KCNIP1: variants seen among roughly 807,000 people sequenced by gnomAD.
The protein encoded by KCNIP1 is potassium voltage-gated channel interacting protein 1, also known as A-type potassium channel modulatory protein KCNIP1.
KCNIP1 carries 18 observed loss-of-function variants against 33.0 expected under a neutral mutation model. The observed-to-expected ratio is 0.55, with a 90% CI of 0.38 to 0.81. The LOEUF (loss-of-function observed/expected upper bound fraction) is 0.81, where lower values mean the gene tolerates loss of function less well. KCNIP1 is among the 30% of genes least tolerant of loss of function. The pLI, the probability that KCNIP1 is intolerant of heterozygous loss-of-function variation, is 0.00. For missense variants in KCNIP1, 238 were observed against 271.6 expected, an observed-to-expected ratio of 0.88 and a Z score of 0.87; for synonymous variants, 93 against 98.3, an observed-to-expected ratio of 0.95 and a Z score of 0.32.
intron 1 of KCNIP1, among the ~76,000 whole-genome samples, chr5:170,396,980 C>G (rs1249836911): frequency 6.6e-6 from 1 of 152,202 alleles, no homozygotes; most frequent in Non-Finnish European, 1.5e-5. Context: ...TTGTTTCTTT[C>G]AGAGCCTGCT....
intron 1 of KCNIP1, chr5:170,561,231 G>T (rs150689679): frequency 4.4e-5 from 18 of 405,512 alleles, no homozygotes; most frequent in African/African-American, 3.7e-4. Context: ...GAAAGTCCCC[G>T]CTCTGCTTGG....
chr5:170,381,315 G>T (rs899978971), intron 1 of KCNIP1, among the ~76,000 whole-genome samples: 5 of 152,234 alleles, frequency 3.3e-5, no homozygotes, highest in African/African-American at 1.2e-4. Flanking sequence ...GCCCTGCAGT[G>T]TAAGGTCCCC....
intron 1 of KCNIP1, among the ~76,000 whole-genome samples, chr5:170,447,412 T>C (rs1756148329): frequency 6.6e-6 from 1 of 152,192 alleles, no homozygotes; most frequent in Admixed American, 6.5e-5. Context: ...CCAGCCTCTC[T>C]TGCAGCTATG....
intron 1 of KCNIP1, among the ~76,000 whole-genome samples, chr5:170,366,764 C>T (rs1763673745): frequency 6.6e-6 from 1 of 152,210 alleles, no homozygotes; most frequent in African/African-American, 2.4e-5. Context: ...TGGAGGGTAG[C>T]CTGGCCCCTC....
intron 1 of KCNIP1, among the ~76,000 whole-genome samples, chr5:170,493,863 A>C (rs1255177841): frequency 6.6e-6 from 1 of 152,198 alleles, no homozygotes; most frequent in Non-Finnish European, 1.5e-5. Flanking sequence ...CAAATAGTGC[A>C]TACTCCACTC....
At chr5:170,593,696 G>A (rs534167612) in intron 1 of KCNIP1, among the ~76,000 whole-genome samples, 2 of 152,120 alleles carry the variant, frequency 1.3e-5, no homozygotes, top group Admixed American at 6.5e-5. Context: ...CTCATTAAGC[G>A]AGACATCATC....
At chr5:170,386,655 A>G (rs1286537044) in intron 1 of KCNIP1, among the ~76,000 whole-genome samples, 30 of 150,090 alleles carry the variant, frequency 2.0e-4, no homozygotes, top group Admixed American at 1.9e-3. Flanking sequence ...GCAGGTTGTC[A>G]GGAGAGGCAG....
chr5:170,353,908 G>C, exon 1 of KCNIP1: 1 of 1,614,202 alleles, frequency 6.2e-7, no homozygotes, highest in Non-Finnish European at 8.5e-7. Flanking sequence ...TGCAAGCTTG[G>C]GTTCGTGAAA....
chr5:170,528,750 C>T (rs543876611), intron 1 of KCNIP1, among the ~76,000 whole-genome samples: 1 of 152,310 alleles, frequency 6.6e-6, no homozygotes, highest in East Asian at 1.9e-4. Context: ...AGTCAGAAAT[C>T]TAAGGTTCTA....
rs147687075 is a variant in KCNIP1 at position 170,689,703 on chromosome 5, AG to A, written c.62-29053del. Among the ~76,000 whole-genome samples the A allele has an allele frequency of 1.5e-3, 236 of 152,316 alleles. 1 individual carries two copies. Among genetic ancestry groups the A allele is most frequent in the African/African-American group, 5.3e-3 (221 of 41,564 alleles). On this transcript the variant is annotated intron_variant, in intron 1 of 7. Transcript: ENST00000328939. ...CAGAAAGAACAGGTTGTGCATTCAA[AG>A]GTGAATTGAGAGGAGAGAAAAGCAT... is the stretch of plus-strand genomic sequence containing the variant.
rs1173994527 is a variant in KCNIP1, at chr5:170,561,098, AG to A, written c.61+56468del. ...CTGTGGGTTTGTTTCCACTTACCAA[AG>A]GGCATCTGTAATTAATGTGGGCAGT... On this transcript the variant is annotated intron_variant, in intron 1 of 7. Coordinates refer to ENST00000328939, the MANE Select transcript of KCNIP1 (RefSeq NM_014592.4). 1.8e-5 allele frequency: 8 copies of A among 456,028 alleles called. No homozygotes were observed. In the East Asian group the frequency reaches 5.6e-4, roughly 32 times the overall value. The allele number at this position is 456,028 out of a possible 1,614,324, so 28.2% of individuals were successfully genotyped here.
intron 1 of KCNIP1, among the ~76,000 whole-genome samples, chr5:170,603,571 A>C (rs1284497419): frequency 6.6e-6 from 1 of 152,222 alleles, no homozygotes; most frequent in Non-Finnish European, 1.5e-5. Flanking sequence ...TAGGCTGTGC[A>C]CAGGGGTCTG....
intron 1 of KCNIP1, among the ~76,000 whole-genome samples, chr5:170,356,770 C>T (rs748807700): frequency 2.0e-5 from 3 of 152,180 alleles, no homozygotes; most frequent in South Asian, 2.1e-4. Flanking sequence ...ACGAATGCAA[C>T]GGCACCGCAC....
intron 1 of KCNIP1, among the ~76,000 whole-genome samples, chr5:170,615,997 G>A (rs1759354492): frequency 6.6e-6 from 1 of 152,140 alleles, no homozygotes; most frequent in Non-Finnish European, 1.5e-5. Context: ...AGATGTTTGG[G>A]AACAAGACCA....
intron 1 of KCNIP1, among the ~76,000 whole-genome samples, chr5:170,586,220 T>C (rs552086046): frequency 2.0e-4 from 31 of 151,810 alleles, no homozygotes; most frequent in Non-Finnish European, 4.4e-4. Context: ...TCGATTGCTC[T>C]CTGTCACCTG....
intron 1 of KCNIP1, among the ~76,000 whole-genome samples, chr5:170,494,132 T>A (rs1288512904): frequency 6.6e-6 from 1 of 152,166 alleles, no homozygotes; most frequent in Non-Finnish European, 1.5e-5. Flanking sequence ...GTAGCCTTGA[T>A]TCCCAGCAAA....
At chr5:170,524,195 T>C (rs547837655) in intron 1 of KCNIP1, among the ~76,000 whole-genome samples, 4 of 152,266 alleles carry the variant, frequency 2.6e-5, no homozygotes, top group Non-Finnish European at 4.4e-5. Context: ...TCCTTCACTC[T>C]CAGCACCAAC....
chr5:170,500,313 G>A (rs764529566), upstream of KCNIP1, among the ~76,000 whole-genome samples: 15 of 152,266 alleles, frequency 9.9e-5, 1 homozygote, highest in Middle Eastern at 3.4e-3. Context: ...GGATTTTGGA[G>A]GGACACAAAC....
chr5:170,617,643 C>T (rs998697279), intron 1 of KCNIP1, among the ~76,000 whole-genome samples: 2 of 152,180 alleles, frequency 1.3e-5, no homozygotes, highest in African/African-American at 2.4e-5. Context: ...CTAAAAGCAC[C>T]ATCTGCTCTT....
Sources: allele counts gnomAD v4.1 joint callset (sites outside exome capture counted in the v4.1 genomes callset), GRCh38; gene constraint gnomAD v4.1.1; transcripts MANE v1.5; gene names NCBI Gene and HGNC (gene_info 2026-07-23, HGNC 2026-07-21).